GBP7: variants seen among roughly 807,000 people sequenced by gnomAD.
GBP7 encodes guanylate binding protein 7.
Under a neutral mutation model 61.3 loss-of-function variants are expected in GBP7, and 43 were observed. That is an observed-to-expected ratio of 0.70 (90% CI 0.55 to 0.91). The LOEUF (loss-of-function observed/expected upper bound fraction) is 0.91, where lower values mean the gene tolerates loss of function less well. Ranked by LOEUF, GBP7 falls within the 40% of genes least tolerant of loss-of-function variation. GBP7 has a pLI of 0.00. For missense variants in GBP7, 717 were observed against 740.5 expected (o/e 0.97, Z 0.37); for synonymous variants, 267 against 271.0 (o/e 0.99, Z 0.14).
rs369613730 is a variant in GBP7 at position 89,160,509 on chromosome 1, T to G, written c.318+4222A>C. Among the ~76,000 whole-genome samples the G allele has an allele frequency of 3.7e-4, 56 of 152,294 alleles. 6 individuals carry two copies. Among genetic ancestry groups the G allele is most frequent in the Admixed American group, 9.2e-4 (14 of 15,284 alleles). On this transcript the variant is annotated intron_variant, in intron 3 of 10. Coordinates refer to ENST00000294671, the MANE Select transcript of GBP7 (RefSeq NM_207398.3). ...GGTAGCTGTGTGACCGTGGGCAAGT[T>G]TCTTGACCTCTCTCTACTCAGTGTC...
chr1:89,147,858 G>A, intron 7 of GBP7, 79 bp from the exon 8 acceptor site: 2 of 1,429,066 alleles, frequency 1.4e-6, no homozygotes, highest in Non-Finnish European at 2.0e-6. Flanking sequence ...CTTGGAAGAA[G>A]TAGTCTCATG....
chr1:89,158,761 A>G (rs1340379919), intron 3 of GBP7, among the ~76,000 whole-genome samples: 1 of 152,230 alleles, frequency 6.6e-6, no homozygotes, highest in Non-Finnish European at 1.5e-5. Context: ...GGAAGAATCA[A>G]TATCGTGAAA....
At chr1:89,133,212 A>G in intron 10 of GBP7, 46 bp downstream of exon 10, 1 of 1,468,960 alleles carries the variant, frequency 6.8e-7, no homozygotes, top group Non-Finnish European at 9.4e-7. Flanking sequence ...CTAAATGAGG[A>G]ACTGGCATTG....
At chr1:89,147,488 T>C in intron 8 of GBP7, 79 bp downstream of exon 8, 1 of 1,094,052 alleles carries the variant, frequency 9.1e-7, no homozygotes, top group Non-Finnish European at 1.4e-6. Flanking sequence ...TGGTGCTGTG[T>C]TCTTAGATTT....
intron 8 of GBP7, 131 bp downstream of exon 8, chr1:89,147,436 A>C: frequency 1.4e-6 from 1 of 695,996 alleles, no homozygotes; most frequent in Non-Finnish European, 2.5e-6. Flanking sequence ...TTTAAGATTT[A>C]AAATATCAAG....
At chr1:89,174,506 G>A (rs780194889) in intron 1 of GBP7, among the ~76,000 whole-genome samples, 1 of 152,152 alleles carries the variant, frequency 6.6e-6, no homozygotes, top group Non-Finnish European at 1.5e-5. Context: ...AGCTGAGCTC[G>A]CTGAGCTCAT....
chr1:89,134,316 G>A (rs957226965), intron 9 of GBP7, among the ~76,000 whole-genome samples: 1 of 152,140 alleles, frequency 6.6e-6, no homozygotes, highest in African/African-American at 2.4e-5. Flanking sequence ...CTGTCAACCT[G>A]CCACCACCAA....
rs763433175 is a variant in GBP7 at position 89,159,497 on chromosome 1, A to T, written c.318+5234T>A. On this transcript the variant is annotated intron_variant, in intron 3 of 10. Transcript: ENST00000294671. ...GGCTAATGTCCAGTATATACAAAGA[A>T]CTTAAACAAAGTTACAAGAAAAAAA... Among the ~76,000 whole-genome samples the T allele has an allele frequency of 1.3e-3, 204 of 152,330 alleles. 1 individual carries two copies. Among genetic ancestry groups the T allele is most frequent in the Non-Finnish European group, 2.1e-3 (142 of 68,022 alleles).
chr1:89,146,970 A>T (rs1682082755), intron 8 of GBP7, among the ~76,000 whole-genome samples: 3 of 152,218 alleles, frequency 2.0e-5, no homozygotes, highest in Non-Finnish European at 4.4e-5. Context: ...CCACTTGGTG[A>T]TTGTGTCATA....
intron 7 of GBP7, 80 bp downstream of exon 7, chr1:89,149,212 A>G: frequency 8.2e-7 from 1 of 1,218,996 alleles, no homozygotes. Context: ...AAGGAGATGA[A>G]CCATGGCATT....
chr1:89,141,971 G>A (rs1000581834), intron 8 of GBP7, among the ~76,000 whole-genome samples: 1 of 152,044 alleles, frequency 6.6e-6, no homozygotes, highest in Admixed American at 6.6e-5. Context: ...TGCATTATTT[G>A]CTTTCTTTTT....
In GBP7 at chr1:89,152,280, T is replaced by G; in HGVS notation, c.613A>C (p.Lys205Gln). The change falls in exon 5 of 11, where the codon AAG (lysine) becomes CAG (glutamine). Residue 205 changes from lysine to glutamine, a missense_variant. This residue lies in a region of GBP7 where 387 missense variants were observed against 385.2 expected (regional missense o/e 1.00). Transcript: ENST00000294671. ...CATGCTCTGATACCTGAAATCAGCT[T>G]CAAGGCATTCTCCAGGTACTCATCT... Reference protein sequence around the residue: ...TEDEYLENALKLISGKNPQIQ... With the variant: ...TEDEYLENALQLISGKNPQIQ... 6.2e-7 allele frequency: 1 copy of G among 1,613,996 alleles called. No individual in the cohort carries two copies. The highest frequency in any genetic ancestry group is 8.5e-7 in the Non-Finnish European group (1 of 1,179,920).
At chr1:89,156,479 C>CA (rs970036706) in intron 3 of GBP7, among the ~76,000 whole-genome samples, 25 of 152,228 alleles carry the variant, frequency 1.6e-4, no homozygotes, top group African/African-American at 6.0e-4. Flanking sequence ...CAGAGACACA[C>CA]ATAGTCTCAA....
chr1:89,144,890 T>A (rs188310083), intron 8 of GBP7, among the ~76,000 whole-genome samples: 17 of 152,152 alleles, frequency 1.1e-4, no homozygotes, highest in Admixed American at 3.3e-4. Flanking sequence ...ATTTCCCCTT[T>A]CCTCCTACCC....
chr1:89,157,080 T>G (rs1682334560), intron 3 of GBP7, among the ~76,000 whole-genome samples: 1 of 152,298 alleles, frequency 6.6e-6, no homozygotes, highest in South Asian at 2.1e-4. Flanking sequence ...ACATGGAAAC[T>G]GAATAACTGT....
chr1:89,167,529 C>T (rs2100660173), intron 2 of GBP7, among the ~76,000 whole-genome samples: 1 of 152,290 alleles, frequency 6.6e-6, no homozygotes, highest in African/African-American at 2.4e-5. Flanking sequence ...TGTTTTCTTA[C>T]TTCTGAACAT....
rs781074686 is a variant in GBP7, at chr1:89,152,460, C to T, written c.433G>A (p.Val145Met). The T allele has an allele frequency of 5.3e-5, 86 of 1,613,654 alleles. 1 individual carries two copies. Among genetic ancestry groups the T allele is most frequent in the South Asian group, 2.1e-4 (19 of 91,062 alleles). ...CTGATTAGCTCTGTTAGCTCAGTCA[C>T]GTAGCTGGGATCTCAGCTAAGGAAG... ...NHQALEQLHY[V>M]TELTELIRAK... Residue 145 changes from valine to methionine, a missense_variant, in exon 5 of 11, where the codon GTG becomes ATG. Val to Met is a conservative substitution (Grantham distance 21). Coordinates refer to ENST00000294671, the MANE Select transcript of GBP7 (RefSeq NM_207398.3).
chr1:89,164,789 G>T lies in GBP7; in HGVS notation c.260C>A (p.Ser87Tyr), dbSNP rs775456142. ...AAGGATCAGGGTGTGGTTTGGCTTG[G>T]AGGGGTGGGGCACACACCACATCCA... is the stretch of plus-strand genomic sequence containing the variant. ...GIWMWCVPHP[S>Y]KPNHTLILLD... is the part of the protein sequence containing the mutation. Residue 87 changes from serine (S) to tyrosine (Y), a missense_variant, in exon 3 of 11, where the codon TCC (serine) becomes TAC (tyrosine). Ser to Tyr is a moderately radical substitution (Grantham distance 144). Transcript: ENST00000294671. 1.9e-6 allele frequency: 3 copies of T among 1,613,820 alleles called. No individual in the cohort carries two copies. In the East Asian group the frequency reaches 6.7e-5, roughly 36 times the overall value.
At chr1:89,143,915 G>C (rs571012435) in intron 8 of GBP7, among the ~76,000 whole-genome samples, 1 of 152,120 alleles carries the variant, frequency 6.6e-6, no homozygotes, top group Non-Finnish European at 1.5e-5. Context: ...TTCGCATGCA[G>C]GTTTGTTACA....
Sources: allele counts gnomAD v4.1 joint callset (sites outside exome capture counted in the v4.1 genomes callset), GRCh38; gene constraint gnomAD v4.1.1; regional missense constraint gnomAD v4.1.1; transcripts MANE v1.5; gene names NCBI Gene and HGNC (gene_info 2026-07-23, HGNC 2026-07-21).